SLC45A4: variants seen among roughly 807,000 people sequenced by gnomAD.
SLC45A4 encodes the protein polyamine-transporter SLC45A4.
SLC45A4 carries 32 observed loss-of-function variants against 63.7 expected under a neutral mutation model. The observed-to-expected ratio is 0.50, with a 90% CI of 0.38 to 0.67. The LOEUF (loss-of-function observed/expected upper bound fraction) is 0.67, where lower values mean the gene tolerates loss of function less well. Ranked by LOEUF, SLC45A4 falls within the 30% of genes least tolerant of loss-of-function variation. SLC45A4 has a pLI of 0.00. For missense variants in SLC45A4, 1,027 were observed against 1,157.7 expected, an observed-to-expected ratio of 0.89 and a Z score of 1.64; for synonymous variants, 535 against 510.0, an observed-to-expected ratio of 1.05 and a Z score of -0.66.
At chr8:141,273,516 C>T (rs570090988) in intron 1 of SLC45A4, among the ~76,000 whole-genome samples, 6 of 152,210 alleles carry the variant, frequency 3.9e-5, no homozygotes, top group South Asian at 4.1e-4. Flanking sequence ...GTCTGTCACC[C>T]GCAGCGTGGG....
At position 141,256,570 on chromosome 8, in the gene SLC45A4, G is replaced by A; in HGVS notation, c.-400-1941C>T. The A allele has an allele frequency of 4.4e-6, 2 of 456,262 alleles. No homozygotes were observed. Among genetic ancestry groups the A allele is most frequent in the Non-Finnish European group, 4.4e-6 (1 of 226,964 alleles). 28.3% of individuals were successfully genotyped at this position (456,262 alleles called of 1,614,324 possible). On this transcript the variant is annotated intron_variant, in intron 1 of 8. Coordinates refer to ENST00000517878, the MANE Select transcript of SLC45A4 (RefSeq NM_001286646.2). This position sits in a 1 kb window ranked among gnomAD's most constrained non-coding sequence, Gnocchi z 4.3. ...CTCCGCTGTACAGGAGGTTCTGGAA[G>A]GAAGCCGTGCGCCTGGCTCTTACGT...
chr8:141,250,002 G>C (rs888644639), intron 2 of SLC45A4, among the ~76,000 whole-genome samples: 2 of 152,174 alleles, frequency 1.3e-5, no homozygotes, highest in African/African-American at 2.4e-5. Flanking sequence ...GGTCAATAAA[G>C]GTTACTTTCA....
chr8:141,221,962 G>C (rs1375548683), intron 2 of SLC45A4, among the ~76,000 whole-genome samples, 197 bp from the exon 3 acceptor site: 2 of 152,264 alleles, frequency 1.3e-5, no homozygotes, highest in African/African-American at 4.8e-5. Flanking sequence ...AGCCCCAGCT[G>C]TAAGCATCAG....
chr8:141,307,424 G>C (rs1042003422), intron 1 of SLC45A4, among the ~76,000 whole-genome samples: 3 of 152,180 alleles, frequency 2.0e-5, no homozygotes, highest in African/African-American at 7.2e-5. Context: ...GACCGGGGCA[G>C]AGCCACAGTC....
Position 141,308,132 on chromosome 8 carries a change from C to CCG in SLC45A4, c.-438_-437insCG, listed in dbSNP as rs1830961368. ...GGCCGGGGCCGCGGGGGCGGCGGGG[C>CCG]GGCCGGGCCGGGCCGGGCAGGGGCT... is the stretch of plus-strand genomic sequence containing the variant. On this transcript the variant is annotated 5_prime_UTR_variant, in exon 1 of 9. Transcript: ENST00000517878. The CCG allele has an allele frequency of 6.9e-6, 1 of 144,856 alleles. No individual in the cohort carries two copies. The highest frequency in any genetic ancestry group is 2.5e-5 in the African/African-American group (1 of 39,670). The allele number at this position is 144,856 out of a possible 1,614,324, so 9.0% of individuals were successfully genotyped here.
chr8:141,238,824 G>A lies in SLC45A4; in HGVS notation c.241+15165C>T, dbSNP rs1589799349. The stretch of plus-strand genomic sequence containing the variant: ...ACAGTACAGCTGCCAGGGGGCCGGC[G>A]CGGGGCAGAGCAGGCTGCCCCGCCC... On this transcript the variant is annotated intron_variant, in intron 2 of 8. Transcript: ENST00000517878. 3.9e-5 allele frequency among the ~76,000 whole-genome samples: 6 copies of A among 152,332 alleles called. 1 individual carries two copies. In the East Asian group the frequency reaches 7.7e-4, roughly 20 times the overall value.
At chr8:141,281,265 G>A (rs1021844821) in intron 1 of SLC45A4, among the ~76,000 whole-genome samples, 5 of 152,190 alleles carry the variant, frequency 3.3e-5, no homozygotes, top group African/African-American at 1.2e-4. Flanking sequence ...CTTGAACCCG[G>A]GAGGCGGAGG....
intron 1 of SLC45A4, among the ~76,000 whole-genome samples, chr8:141,259,482 C>T (rs1828962067): frequency 6.6e-6 from 1 of 152,228 alleles, no homozygotes; most frequent in East Asian, 1.9e-4. Flanking sequence ...GAGCTTGGCT[C>T]TGCCCACACC....
chr8:141,249,398 G>A (rs1023053090), intron 2 of SLC45A4, among the ~76,000 whole-genome samples: 2 of 152,340 alleles, frequency 1.3e-5, no homozygotes, highest in East Asian at 3.8e-4. Context: ...CAGAAAAGGA[G>A]CAAAGAAAGT....
At chr8:141,242,048 G>A (rs961108622) in intron 2 of SLC45A4, among the ~76,000 whole-genome samples, 1 of 152,220 alleles carries the variant, frequency 6.6e-6, no homozygotes, top group Non-Finnish European at 1.5e-5. Flanking sequence ...ATGGCTGGGA[G>A]CCTATCCTCA....
intron 1 of SLC45A4, among the ~76,000 whole-genome samples, chr8:141,262,079 T>G (rs1829060618): frequency 6.6e-6 from 1 of 152,082 alleles, no homozygotes; most frequent in Admixed American, 6.6e-5. Context: ...TACAACCATC[T>G]AATCTTTGAC....
Position 141,218,365 on chromosome 8 carries a change from G to T in SLC45A4, c.1275C>A (p.Ser425Arg). The T allele has an allele frequency of 6.2e-7, 1 of 1,608,328 alleles. No homozygotes were observed. ...CAAGCTTGCCGTAGTAGGAGAAGGTGCTGGAGGCCTGCCTGCGGAACGCGT... is the reference window on the plus strand; with the variant it reads ...CAAGCTTGCCGTAGTAGGAGAAGGTTCTGGAGGCCTGCCTGCGGAACGCGT... ...RRHAFRRQAS[S>R]TFSYYGKLGS... The change falls in exon 5 of 9, where the codon AGC (serine) becomes AGA (arginine). Residue 425 changes from serine (S) to arginine (R), a missense_variant. By Grantham distance (110) the Ser-to-Arg change is moderately radical. Transcript: ENST00000517878.
At chr8:141,299,735 G>A (rs1830683432) in intron 1 of SLC45A4, among the ~76,000 whole-genome samples, 1 of 152,220 alleles carries the variant, frequency 6.6e-6, no homozygotes, top group Non-Finnish European at 1.5e-5. Flanking sequence ...GGTTAGGGCA[G>A]GAATTTCTAG....
rs922249027 is a variant in SLC45A4, at chr8:141,227,862, C to T, written c.242-6097G>A. Among the ~76,000 whole-genome samples the T allele has an allele frequency of 2.0e-5, 3 of 152,206 alleles. No homozygotes were observed. Among genetic ancestry groups the T allele is most frequent in the East Asian group, 3.9e-4 (2 of 5,194 alleles). Reference sequence around the variant, plus strand: ...GCACCTTGAGTGTTCTCACATGTGCCGCCTTCCCACTCCAACACCCACGGC... The same window carrying T: ...GCACCTTGAGTGTTCTCACATGTGCTGCCTTCCCACTCCAACACCCACGGC... On this transcript the variant is annotated intron_variant, in intron 2 of 8. Transcript: ENST00000517878. This position sits in a 1 kb window ranked among gnomAD's most constrained non-coding sequence, Gnocchi z 4.4.
Position 141,269,629 on chromosome 8 carries a change from C to T in SLC45A4, c.-400-15000G>A, listed in dbSNP as rs1394412217. ...ATCAATGTCTGCCTATGTGTCTGTG[C>T]GGGGGGTGTGTGGGGGTGTCTGTCT... On this transcript the variant is annotated intron_variant, in intron 1 of 8. Transcript: ENST00000517878. 4.1e-5 allele frequency among the ~76,000 whole-genome samples: 6 copies of T among 147,322 alleles called. No homozygotes were observed. The South Asian group carries it at 6.5e-4, about 16-fold the overall frequency.
chr8:141,217,315 CAGG>C, intron 5 of SLC45A4, 126 bp from the exon 6 acceptor site: 4 of 966,048 alleles, frequency 4.1e-6, no homozygotes, highest in Non-Finnish European at 4.6e-6. Context: ...AAGTCCCATC[CAGG>C]AGGAGAGCCC....
intron 1 of SLC45A4, among the ~76,000 whole-genome samples, chr8:141,259,510 C>T (rs1589825346): frequency 6.6e-6 from 1 of 152,242 alleles, no homozygotes; most frequent in East Asian, 1.9e-4. Flanking sequence ...ATGCATCTCC[C>T]TTGCCCTTCC....
chr8:141,304,170 A>G (rs544450004), intron 1 of SLC45A4, among the ~76,000 whole-genome samples: 7 of 152,118 alleles, frequency 4.6e-5, no homozygotes, highest in African/African-American at 1.7e-4. Flanking sequence ...TGAACCTATA[A>G]CCCAGCAGCT....
intron 2 of SLC45A4, among the ~76,000 whole-genome samples, chr8:141,240,241 C>A (rs1827845535): frequency 6.6e-6 from 1 of 152,240 alleles, no homozygotes; most frequent in African/African-American, 2.4e-5. Flanking sequence ...TGCTCACGAT[C>A]TTCGTCGAGT....
Sources: gnomAD v4.1 joint callset for allele counts (sites outside exome capture counted in the v4.1 genomes callset) on GRCh38, gnomAD v4.1.1 for gene constraint, Gnocchi (gnomAD v3.1) non-coding constraint, MANE v1.5 for transcripts, NCBI Gene and HGNC (gene_info 2026-07-23, HGNC 2026-07-21) for gene names.